Variants in TTC27 observed in about 807,000 individuals in gnomAD.
TTC27 encodes tetratricopeptide repeat domain 27, also known as tetratricopeptide repeat protein 27.
A neutral mutation model predicts 115.9 loss-of-function variants in TTC27; 79 were observed. The ratio of observed to expected loss-of-function variants is 0.68; its 90% confidence interval spans 0.57 to 0.82. TTC27 has a LOEUF of 0.82. Ranked by LOEUF, TTC27 falls within the 40% of genes least tolerant of loss-of-function variation. TTC27 has a pLI of 0.00. For synonymous variants in TTC27, 401 were observed against 356.0 expected (o/e 1.13, Z -1.42); for missense variants, 1,054 against 993.1 (o/e 1.06, Z -0.82).
intron 9 of TTC27, among the ~76,000 whole-genome samples, chr2:32,698,035 G>A (rs1316012174): frequency 1.3e-5 from 2 of 152,142 alleles, no homozygotes; most frequent in Admixed American, 6.5e-5. Context: ...TGCCTGGCCA[G>A]TAATAATTAA....
intron 5 of TTC27, among the ~76,000 whole-genome samples, chr2:32,659,432 G>C (rs1355645404): frequency 7.0e-6 from 1 of 142,334 alleles, no homozygotes; most frequent in Non-Finnish European, 1.5e-5. Flanking sequence ...TTAATATTTG[G>C]TTCTAACCAG....
intron 19 of TTC27, among the ~76,000 whole-genome samples, chr2:32,819,238 ACACCTTCC>A (rs556008979): frequency 1.5e-3 from 228 of 152,310 alleles, no homozygotes; most frequent in African/African-American, 5.1e-3. Flanking sequence ...CAGGTACTGC[ACACCTTCC>A]CATATTATGG....
intron 5 of TTC27, among the ~76,000 whole-genome samples, chr2:32,651,591 C>T (rs1022840343): frequency 2.6e-5 from 4 of 152,140 alleles, no homozygotes; most frequent in Non-Finnish European, 5.9e-5. Context: ...GGTATCAGCC[C>T]GCCTTGGCCT....
rs1364772349 is a variant in TTC27 at position 32,820,885 on chromosome 2, A to G, written c.2479A>G (p.Thr827Ala). The change falls in exon 20 of 20, where the codon ACC becomes GCC. Residue 827 changes from threonine to alanine, a missense_variant. Physicochemically the swap from Thr to Ala is moderately conservative, Grantham distance 58. Coordinates refer to ENST00000317907, the MANE Select transcript of TTC27 (RefSeq NM_017735.5). The part of the protein sequence containing the change: ...ELADDITAMD[T>A]LVTELQDLSN... ...AGCTGATGACATAACAGCTATGGAC[A>G]CCTTAGTGACAGAGCTCCAAGACCT... 2 of 1,539,038 alleles carry G rather than the reference A, an allele frequency of 1.3e-6. No homozygotes were observed. Among genetic ancestry groups the G allele is most frequent in the Non-Finnish European group, 1.8e-6 (2 of 1,138,888 alleles).
At chr2:32,760,373 T>C (rs777111889) in intron 13 of TTC27, among the ~76,000 whole-genome samples, 2 of 152,172 alleles carry the variant, frequency 1.3e-5, no homozygotes, top group Non-Finnish European at 2.9e-5. Flanking sequence ...CCAGAGGACG[T>C]TTGGCAACTC....
At chr2:32,712,545 T>C (rs1339869637) in intron 10 of TTC27, among the ~76,000 whole-genome samples, 2 of 152,004 alleles carry the variant, frequency 1.3e-5, no homozygotes, top group Non-Finnish European at 1.5e-5. Flanking sequence ...CTGATCTAAA[T>C]TCTTTTTTTT....
chr2:32,640,382 A>C lies in TTC27; in HGVS notation c.509A>C (p.Asn170Thr). 1 of 1,613,920 alleles carries C rather than the reference A, an allele frequency of 6.2e-7. No individual in the cohort carries two copies. The highest frequency in any genetic ancestry group is 2.2e-5 in the East Asian group (1 of 44,864). ...TTATTAGCACGCATTATCCTAGTGA[A>C]TGTAAGACATAAACTGACAGCTATT... ...LLLLARIILV[N>T]VRHKLTAIQS... Residue 170 changes from asparagine (N) to threonine (T), a missense_variant, in exon 4 of 20, where the codon AAT (asparagine) becomes ACT (threonine). Coordinates refer to ENST00000317907, the MANE Select transcript of TTC27 (RefSeq NM_017735.5).
At chr2:32,795,729 T>TATG (rs1670679918) in intron 16 of TTC27, among the ~76,000 whole-genome samples, 1 of 136,856 alleles carries the variant, frequency 7.3e-6, no homozygotes, top group Non-Finnish European at 1.5e-5. Flanking sequence ...ATTTTTGTAT[T>TATG]ATTATTATTA....
At chr2:32,702,592 C>G (rs1421317783) in intron 9 of TTC27, among the ~76,000 whole-genome samples, 3 of 152,170 alleles carry the variant, frequency 2.0e-5, no homozygotes, top group Admixed American at 6.5e-5. Context: ...TGGAAACTCC[C>G]TACCCTAACA....
intron 4 of TTC27, among the ~76,000 whole-genome samples, chr2:32,645,624 G>T (rs555339492): frequency 3.9e-5 from 6 of 152,128 alleles, no homozygotes; most frequent in African/African-American, 1.4e-4. Context: ...ATGTATACAT[G>T]TGCCATGTTG....
At chr2:32,686,441 C>T (rs116250770) in intron 9 of TTC27, among the ~76,000 whole-genome samples, 1,524 of 152,088 alleles carry the variant, frequency 0.01, 14 homozygotes, top group Middle Eastern at 0.024. Flanking sequence ...TCTTAGCTTA[C>T]GTCTGTCTCC....
intron 8 of TTC27, among the ~76,000 whole-genome samples, chr2:32,677,273 G>A (rs1012967121): frequency 9.2e-5 from 14 of 151,816 alleles, no homozygotes; most frequent in Admixed American, 4.6e-4. Flanking sequence ...ACAATTTGTC[G>A]TTTTCCTTTT....
intron 12 of TTC27, among the ~76,000 whole-genome samples, chr2:32,754,293 C>T (rs1307854622): frequency 1.3e-5 from 2 of 150,556 alleles, no homozygotes; most frequent in Non-Finnish European, 3.0e-5. Context: ...ACCCTTCGGC[C>T]TTCCGCAGTG....
At position 32,664,465 on chromosome 2, in the gene TTC27, C is replaced by T. The variant is rs369574514; in HGVS notation, c.803C>T (p.Thr268Ile). The T allele has an allele frequency of 3.1e-6, 5 of 1,597,712 alleles. No homozygotes were observed. The African/African-American group carries it at 5.4e-5, about 17-fold the overall frequency. ...KDISQLQIDL[T>I]GALGKRTRFQ... ...ATCAGCCAATTACAAATTGATTTGACAGGTAAGACTTATTTTTTGTGGATA... is the reference window on the plus strand; with the variant it reads ...ATCAGCCAATTACAAATTGATTTGATAGGTAAGACTTATTTTTTGTGGATA... The change falls in exon 6 of 20, where the codon ACA (threonine) becomes ATA (isoleucine). Residue 268 changes from threonine to isoleucine, a missense_variant and splice_region_variant. Coordinates refer to ENST00000317907, the MANE Select transcript of TTC27 (RefSeq NM_017735.5).
intron 4 of TTC27, among the ~76,000 whole-genome samples, chr2:32,648,478 G>C (rs1447377047): frequency 1.5e-5 from 2 of 136,994 alleles, no homozygotes; most frequent in South Asian, 2.5e-4. Flanking sequence ...TAGTCTTACA[G>C]TGTTGCCCAC....
intron 8 of TTC27, among the ~76,000 whole-genome samples, chr2:32,673,774 C>T (rs1293849861): frequency 6.6e-6 from 1 of 152,092 alleles, no homozygotes; most frequent in Non-Finnish European, 1.5e-5. Flanking sequence ...GCGGATGGAT[C>T]ACCCAAGGTC....
intron 4 of TTC27, among the ~76,000 whole-genome samples, chr2:32,646,378 A>G (rs770428404): frequency 2.0e-5 from 3 of 151,862 alleles, no homozygotes; most frequent in African/African-American, 7.3e-5. Context: ...TGCATTGCCC[A>G]GGCTTGTCTG....
chr2:32,778,252 A>G (rs2148013488), intron 14 of TTC27, among the ~76,000 whole-genome samples: 1 of 152,352 alleles, frequency 6.6e-6, no homozygotes, highest in Admixed American at 6.5e-5. Flanking sequence ...TTTGTCATTC[A>G]TTAGTATGTC....
At chr2:32,635,462 G>A (rs141093837) in intron 3 of TTC27, 400 of 152,350 alleles carry the variant, frequency 2.6e-3, no homozygotes, top group Middle Eastern at 7.0e-3. Context: ...CAAGGCGGGC[G>A]GTTCACGAGG....
Sources: allele counts gnomAD v4.1 joint callset (sites outside exome capture counted in the v4.1 genomes callset), GRCh38; gene constraint gnomAD v4.1.1; transcripts MANE v1.5; gene names NCBI Gene and HGNC (gene_info 2026-07-23, HGNC 2026-07-21).